STK32A: variants seen among roughly 807,000 people sequenced by gnomAD.
STK32A encodes the protein serine/threonine kinase 32A.
A neutral mutation model predicts 53.2 loss-of-function variants in STK32A; 41 were observed. The ratio of observed to expected loss-of-function variants is 0.77; its 90% CI spans 0.60 to 1.00. The LOEUF (loss-of-function observed/expected upper bound fraction) is 1.00, where lower values mean the gene tolerates loss of function less well. Among genes scored for constraint, STK32A ranks in the 50% least tolerant of loss-of-function variants. The probability of loss-of-function intolerance (pLI) is 0.00; values close to 1 mark genes in which losing one functional copy is unlikely to be tolerated. For missense variants in STK32A, 458 were observed against 485.8 expected, an observed-to-expected ratio of 0.94 and a Z score of 0.54; for synonymous variants, 166 against 162.8, an observed-to-expected ratio of 1.02 and a Z score of -0.15.
chr5:147,333,019 G>A (rs919055534), intron 5 of STK32A, among the ~76,000 whole-genome samples: 1 of 152,176 alleles, frequency 6.6e-6, no homozygotes, highest in Non-Finnish European at 1.5e-5. Context: ...TAATGGCTTC[G>A]TTAATATGCA....
the STK32A span, chr5:147,398,956 G>T: frequency 7.7e-7 from 1 of 1,298,884 alleles, no homozygotes. Flanking sequence ...AGATTTAGGG[G>T]ATGGATTATT....
At chr5:147,391,988 G>C (rs1644070808), downstream of STK32A, 1 of 152,246 alleles carries the variant, frequency 6.6e-6, no homozygotes, top group Non-Finnish European at 1.5e-5. Flanking sequence ...CAGCAGAGCA[G>C]AGAGTGCAGA....
intron 2 of STK32A, among the ~76,000 whole-genome samples, chr5:147,260,339 ACTCT>A (rs550769993): frequency 3.3e-5 from 4 of 122,666 alleles, no homozygotes; most frequent in Non-Finnish European, 6.7e-5. Flanking sequence ...TATCTGTCTC[ACTCT>A]CTCTCTCTGC....
intron 4 of STK32A, among the ~76,000 whole-genome samples, chr5:147,289,661 G>GTA (rs571183059): frequency 4.2e-4 from 63 of 151,626 alleles, no homozygotes; most frequent in South Asian, 8.4e-4. Context: ...ATATGTGTGT[G>GTA]TATATATATA....
chr5:147,285,146 T>A (rs1752268032), intron 4 of STK32A, among the ~76,000 whole-genome samples: 2 of 151,636 alleles, frequency 1.3e-5, no homozygotes, highest in South Asian at 4.2e-4. Flanking sequence ...AGAAATAAAC[T>A]CAAATACTTA....
chr5:147,395,863 A>G, the STK32A span: 1 of 1,052,216 alleles, frequency 9.5e-7, no homozygotes, highest in Non-Finnish European at 1.4e-6. Context: ...GGAAGGGAGA[A>G]GTAGTATAAA....
intron 7 of STK32A, among the ~76,000 whole-genome samples, chr5:147,359,450 G>A (rs1025781359): frequency 2.6e-5 from 4 of 152,198 alleles, no homozygotes; most frequent in African/African-American, 9.6e-5. Context: ...AAGAAAGAAA[G>A]TGAAAAGAAT....
chr5:147,262,122 C>A (rs1282116981), intron 2 of STK32A, among the ~76,000 whole-genome samples: 2 of 152,090 alleles, frequency 1.3e-5, no homozygotes, highest in Non-Finnish European at 2.9e-5. Flanking sequence ...TGGTCAGCCA[C>A]ATTAAAGAGC....
intron 2 of STK32A, among the ~76,000 whole-genome samples, chr5:147,246,898 T>C (rs1249892607): frequency 6.6e-6 from 1 of 152,202 alleles, no homozygotes; most frequent in Non-Finnish European, 1.5e-5. Flanking sequence ...ACAAGTTGGA[T>C]TTGATGAAAA....
At chr5:147,349,168 A>G (rs114837244) in intron 6 of STK32A, among the ~76,000 whole-genome samples, 79 of 152,396 alleles carry the variant, frequency 5.2e-4, no homozygotes, top group African/African-American at 1.9e-3. Context: ...GTGCCACTCC[A>G]GCAAGAATGA....
intron 6 of STK32A, among the ~76,000 whole-genome samples, chr5:147,345,358 A>G (rs1755632149): frequency 6.6e-6 from 1 of 152,314 alleles, no homozygotes; most frequent in African/African-American, 2.4e-5. Context: ...AAATCACTCA[A>G]TAAAAGTCTA....
chr5:147,289,849 G>A (rs1752519827), intron 4 of STK32A, among the ~76,000 whole-genome samples: 1 of 152,016 alleles, frequency 6.6e-6, no homozygotes, highest in African/African-American at 2.4e-5. Context: ...TCATGCATTA[G>A]CCTCAATCAT....
intron 4 of STK32A, among the ~76,000 whole-genome samples, chr5:147,297,687 G>T (rs1370845379): frequency 2.0e-5 from 3 of 152,088 alleles, no homozygotes; most frequent in African/African-American, 7.2e-5. Flanking sequence ...GATATTGTCT[G>T]GGCCGGGCAT....
At chr5:147,338,861 C>T (rs758276451) in intron 5 of STK32A, among the ~76,000 whole-genome samples, 11 of 152,174 alleles carry the variant, frequency 7.2e-5, no homozygotes, top group South Asian at 2.1e-4. Flanking sequence ...CAAGAGGTGA[C>T]GTGGGTGCTC....
chr5:147,310,226 GT>G (rs1478438013), intron 4 of STK32A, among the ~76,000 whole-genome samples: 4 of 152,130 alleles, frequency 2.6e-5, no homozygotes, highest in Non-Finnish European at 5.9e-5. Context: ...AGTTGGTCTA[GT>G]TTGGCTATAA....
At chr5:147,361,778 C>A (rs186766097) in intron 8 of STK32A, among the ~76,000 whole-genome samples, 164 bp downstream of exon 8, 1 of 152,168 alleles carries the variant, frequency 6.6e-6, no homozygotes, top group Non-Finnish European at 1.5e-5. Context: ...TAGGTTAATT[C>A]ATTTGTCCCG....
intron 4 of STK32A, among the ~76,000 whole-genome samples, chr5:147,287,427 G>A (rs1288073612): frequency 6.6e-6 from 1 of 152,112 alleles, no homozygotes; most frequent in African/African-American, 2.4e-5. Flanking sequence ...AATAATTGAG[G>A]TTTTACTCTG....
At chr5:147,371,980 A>C (rs1379288145) in intron 9 of STK32A, among the ~76,000 whole-genome samples, 1 of 152,194 alleles carries the variant, frequency 6.6e-6, no homozygotes, top group African/African-American at 2.4e-5. Flanking sequence ...GTTTAAAATT[A>C]TACCCAGCAT....
At chr5:147,257,604 G>C (rs1199016723) in intron 2 of STK32A, among the ~76,000 whole-genome samples, 1 of 152,080 alleles carries the variant, frequency 6.6e-6, no homozygotes, top group Non-Finnish European at 1.5e-5. Flanking sequence ...ACTCTGGAGG[G>C]GGCAGCGCTT....
Sources: gnomAD v4.1 joint callset for allele counts (sites outside exome capture counted in the v4.1 genomes callset) on GRCh38, gnomAD v4.1.1 for gene constraint, MANE v1.5 for transcripts, NCBI Gene and HGNC (gene_info 2026-07-23, HGNC 2026-07-21) for gene names.